GALNTL6: variants seen among roughly 807,000 people sequenced by gnomAD.
The protein encoded by GALNTL6 is polypeptide N-acetylgalactosaminyltransferase like 6, also known as polypeptide N-acetylgalactosaminyltransferase-like 6.
A neutral mutation model predicts 73.7 loss-of-function variants in GALNTL6; 46 were observed. That is an observed-to-expected ratio of 0.62 (90% CI 0.49 to 0.80). The LOEUF (loss-of-function observed/expected upper bound fraction) is 0.80. Ranked by LOEUF, GALNTL6 falls within the 30% of genes least tolerant of loss-of-function variation. The probability of loss-of-function intolerance (pLI) is 0.00; values close to 1 mark genes in which losing one functional copy is unlikely to be tolerated. For synonymous variants in GALNTL6, 259 were observed against 263.7 expected (o/e 0.98, Z 0.17); for missense variants, 604 against 755.0 (o/e 0.80, Z 2.34).
chr4:172,196,530 T>C (rs891184217), intron 2 of GALNTL6, among the ~76,000 whole-genome samples: 3 of 152,140 alleles, frequency 2.0e-5, no homozygotes, highest in Non-Finnish European at 2.9e-5. Flanking sequence ...TGCTGAACAT[T>C]GATGCAAAAA....
chr4:172,846,805 A>G (rs1045197659), intron 7 of GALNTL6, among the ~76,000 whole-genome samples: 3 of 152,214 alleles, frequency 2.0e-5, no homozygotes, highest in Non-Finnish European at 4.4e-5. Flanking sequence ...TTAAATCTTA[A>G]TATGTCTGAT....
chr4:172,516,762 C>G (rs1280360034), intron 5 of GALNTL6, among the ~76,000 whole-genome samples: 1 of 151,934 alleles, frequency 6.6e-6, no homozygotes, highest in African/African-American at 2.4e-5. Flanking sequence ...GTCATAATAG[C>G]CAAGAGGGGG....
At chr4:172,102,761 T>TTTTATGTTAGAATAGGC (rs1732554062) in intron 2 of GALNTL6, among the ~76,000 whole-genome samples, 1 of 152,198 alleles carries the variant, frequency 6.6e-6, no homozygotes, top group Non-Finnish European at 1.5e-5. Flanking sequence ...GTTACATTCT[T>TTTTATGTTAGAATAGGC]ACTCTGACAC....
At chr4:172,418,778 G>A (rs1046455896) in intron 5 of GALNTL6, among the ~76,000 whole-genome samples, 1 of 152,100 alleles carries the variant, frequency 6.6e-6, no homozygotes, top group African/African-American at 2.4e-5. Flanking sequence ...GACAAAGGAG[G>A]AAGATTATAT....
In GALNTL6 at chr4:172,545,003, A is replaced by G. The variant is rs193175112; in HGVS notation, c.553+196314A>G. On this transcript the variant is annotated intron_variant, in intron 5 of 12. Transcript: ENST00000506823. ...CTTATATCAGTGAATATATAGTCAC[A>G]GAGGGAAACTAGAGATTTATGCATG... Among the ~76,000 whole-genome samples, 3 of 152,336 alleles carry G rather than the reference A, an allele frequency of 2.0e-5. No individual in the cohort carries two copies. The East Asian group carries it at 5.8e-4, about 29-fold the overall frequency.
At chr4:172,929,084 A>T (rs1748200345) in intron 8 of GALNTL6, among the ~76,000 whole-genome samples, 1 of 152,318 alleles carries the variant, frequency 6.6e-6, no homozygotes, top group Non-Finnish European at 1.5e-5. Flanking sequence ...TTGATAATGT[A>T]GTTTAGACTG....
chr4:172,524,353 A>C (rs1734881389), intron 5 of GALNTL6, among the ~76,000 whole-genome samples: 1 of 151,912 alleles, frequency 6.6e-6, no homozygotes, highest in African/African-American at 2.4e-5. Flanking sequence ...AGTTCAAGCG[A>C]TTCTCCTGCT....
chr4:172,306,144 T>C (rs1032678003), intron 3 of GALNTL6, among the ~76,000 whole-genome samples: 1 of 152,116 alleles, frequency 6.6e-6, no homozygotes, highest in African/African-American at 2.4e-5. Flanking sequence ...ATCTCAGCAC[T>C]TTGAGAGGCC....
chr4:172,338,034 A>C (rs1177142473), intron 4 of GALNTL6, among the ~76,000 whole-genome samples: 1 of 152,128 alleles, frequency 6.6e-6, no homozygotes, highest in African/African-American at 2.4e-5. Context: ...TTGAGCTCTA[A>C]AATTCTTTTA....
chr4:172,606,652 GTATATA>G (rs1429854438), intron 5 of GALNTL6, among the ~76,000 whole-genome samples: 1 of 34,772 alleles, frequency 2.9e-5, no homozygotes, highest in South Asian at 1.4e-3. Flanking sequence ...TATATATATA[GTATATA>G]TATACTATAT....
At chr4:172,736,718 T>G (rs1736488967) in intron 5 of GALNTL6, among the ~76,000 whole-genome samples, 1 of 152,238 alleles carries the variant, frequency 6.6e-6, no homozygotes, top group Admixed American at 6.5e-5. Flanking sequence ...TGTAAGAAAT[T>G]ATAAAAATAT....
chr4:171,866,512 C>T (rs1043925584), intron 2 of GALNTL6, among the ~76,000 whole-genome samples: 2 of 151,926 alleles, frequency 1.3e-5, no homozygotes, highest in Non-Finnish European at 2.9e-5. Context: ...TTCAAATAGT[C>T]GATTGTATGA....
chr4:172,163,777 CTTATTTTAAAAAATTCCAAAGAT>C (rs1225956038), intron 2 of GALNTL6, among the ~76,000 whole-genome samples: 11 of 152,096 alleles, frequency 7.2e-5, no homozygotes, highest in Middle Eastern at 3.4e-3. Context: ...ATGGAAATTG[CTTATTTTAAAAAATTCCAAAGAT>C]GGTTCGTTAA....
intron 7 of GALNTL6, among the ~76,000 whole-genome samples, chr4:172,880,598 G>A (rs1464242120): frequency 6.6e-6 from 1 of 152,042 alleles, no homozygotes; most frequent in African/African-American, 2.4e-5. Flanking sequence ...ATAAACACAA[G>A]TCAAAACCTA....
chr4:172,330,279 T>C (rs1176196037), intron 4 of GALNTL6, among the ~76,000 whole-genome samples: 1 of 152,206 alleles, frequency 6.6e-6, no homozygotes, highest in Non-Finnish European at 1.5e-5. Context: ...GGTGTCAGAC[T>C]GCAGGTCCTG....
At chr4:171,887,718 G>A (rs1736642605) in intron 2 of GALNTL6, among the ~76,000 whole-genome samples, 1 of 151,998 alleles carries the variant, frequency 6.6e-6, no homozygotes, top group African/African-American at 2.4e-5. Flanking sequence ...CTGTCTTCTG[G>A]TGATGTTGCT....
chr4:172,256,806 A>G (rs919352287), intron 3 of GALNTL6, among the ~76,000 whole-genome samples: 3 of 151,292 alleles, frequency 2.0e-5, no homozygotes, highest in Non-Finnish European at 3.0e-5. Flanking sequence ...TAATAGATTG[A>G]TTAGATAGAG....
rs1741155412 is a variant in GALNTL6, at chr4:172,809,363, C to T, written c.556C>T (p.His186Tyr). The change falls in exon 6 of 13, where the codon CAC becomes TAC. Residue 186 changes from histidine to tyrosine, a missense_variant and splice_region_variant. By Grantham distance (83) the His-to-Tyr change is moderately conservative. Coordinates refer to ENST00000506823, the MANE Select transcript of GALNTL6 (RefSeq NM_001034845.3). This position sits in a 1 kb window ranked among gnomAD's most constrained non-coding sequence, Gnocchi z 4.4. ...TGCATTCTCTACTTCCTACCTAGAA[C>T]ACCTGAAGGATAAATTGGAAGAATA... ...ILVDDFSERE[H>Y]LKDKLEEYMA... 6.2e-7 allele frequency: 1 copy of T among 1,613,068 alleles called. No homozygotes were observed. Among genetic ancestry groups the T allele is most frequent in the Non-Finnish European group, 8.5e-7 (1 of 1,179,328 alleles).
At chr4:171,841,571 A>C in intron 2 of GALNTL6, among the ~76,000 whole-genome samples, 1 of 152,216 alleles carries the variant, frequency 6.6e-6, no homozygotes, top group Middle Eastern at 3.4e-3. Context: ...ATAAAATCCC[A>C]ACATTGAATA....
Sources: gnomAD v4.1 joint callset for allele counts (sites outside exome capture counted in the v4.1 genomes callset) on GRCh38, gnomAD v4.1.1 for gene constraint, Gnocchi (gnomAD v3.1) non-coding constraint, MANE v1.5 for transcripts, NCBI Gene and HGNC (gene_info 2026-07-23, HGNC 2026-07-21) for gene names.